Variants in ZNF385D observed in about 807,000 individuals in gnomAD.
ZNF385D encodes the protein zinc finger protein 659.
ZNF385D carries 15 observed loss-of-function variants against 35.8 expected under a neutral mutation model. The ratio of observed to expected loss-of-function variants is 0.42; its 90% CI spans 0.28 to 0.64. The LOEUF is 0.64. Among genes scored for constraint, ZNF385D ranks in the 30% least tolerant of loss-of-function variants. The pLI is 0.23. For missense variants in ZNF385D, 474 were observed against 494.6 expected (o/e 0.96, Z 0.39); for synonymous variants, 212 against 186.8 (o/e 1.13, Z -1.10).
At chr3:22,100,460 T>A (rs537092570) in intron 3 of ZNF385D, among the ~76,000 whole-genome samples, 1 of 151,292 alleles carries the variant, frequency 6.6e-6, no homozygotes, top group Non-Finnish European at 1.5e-5. Flanking sequence ...TAGACTGGAT[T>A]AAGAAAATGT....
chr3:22,194,163 TAAC>T (rs35753303), intron 2 of ZNF385D, among the ~76,000 whole-genome samples: 18,706 of 151,810 alleles, frequency 0.12, 1,467 homozygotes, highest in Middle Eastern at 0.23. Flanking sequence ...GTTTAGTACA[TAAC>T]AACTATCAGA....
At chr3:22,105,420 TACATATAC>T (rs1053573745) in intron 3 of ZNF385D, among the ~76,000 whole-genome samples, 1 of 152,200 alleles carries the variant, frequency 6.6e-6, no homozygotes, top group South Asian at 2.1e-4. Context: ...TATATACATG[TACATATAC>T]ATACATACTT....
chr3:22,091,682 G>A (rs539127191), intron 3 of ZNF385D, among the ~76,000 whole-genome samples: 1 of 152,228 alleles, frequency 6.6e-6, no homozygotes, highest in South Asian at 2.1e-4. Context: ...CAGACACAGA[G>A]CCCCCCGACT....
At chr3:22,244,210 G>A (rs1038028954) in intron 2 of ZNF385D, among the ~76,000 whole-genome samples, 1 of 150,192 alleles carries the variant, frequency 6.7e-6, no homozygotes, top group Non-Finnish European at 1.5e-5. Context: ...TCTAGGGTTT[G>A]CAATACCTGC....
At chr3:22,343,843 G>C (rs1202846398) in intron 2 of ZNF385D, among the ~76,000 whole-genome samples, 1 of 151,790 alleles carries the variant, frequency 6.6e-6, no homozygotes, top group Non-Finnish European at 1.5e-5. Flanking sequence ...TCTCACACTT[G>C]AATGTAAATC....
intron 3 of ZNF385D, among the ~76,000 whole-genome samples, chr3:21,946,308 C>T (rs1476481695): frequency 6.6e-6 from 1 of 152,038 alleles, no homozygotes; most frequent in Non-Finnish European, 1.5e-5. Context: ...ATACACAAAA[C>T]ATTTTTATGT....
chr3:22,046,103 T>C (rs1363081341), intron 3 of ZNF385D, among the ~76,000 whole-genome samples: 1 of 152,082 alleles, frequency 6.6e-6, no homozygotes, highest in East Asian at 1.9e-4. Flanking sequence ...AGCACAACTG[T>C]TTCAACCAAA....
At chr3:22,076,379 C>T (rs1700464365) in intron 3 of ZNF385D, among the ~76,000 whole-genome samples, 3 of 151,886 alleles carry the variant, frequency 2.0e-5, no homozygotes, top group Admixed American at 2.0e-4. Context: ...ATGAATATTT[C>T]CCATGGCCCA....
intron 4 of ZNF385D, among the ~76,000 whole-genome samples, chr3:21,455,377 C>T (rs1226068520): frequency 6.6e-6 from 1 of 152,094 alleles, no homozygotes; most frequent in Non-Finnish European, 1.5e-5. Flanking sequence ...GGTACTGGTA[C>T]CAAAACAGAG....
chr3:21,659,695 T>G (rs2066178129), intron 2 of ZNF385D, among the ~76,000 whole-genome samples: 1 of 152,128 alleles, frequency 6.6e-6, no homozygotes, highest in African/African-American at 2.4e-5. Flanking sequence ...TCCATAATTG[T>G]AAGAATTTAG....
At chr3:22,080,003 G>A (rs1700667119) in intron 3 of ZNF385D, among the ~76,000 whole-genome samples, 1 of 152,002 alleles carries the variant, frequency 6.6e-6, no homozygotes, top group African/African-American at 2.4e-5. Flanking sequence ...TATGTTCAGA[G>A]AAAGAATATC....
At chr3:21,891,253 C>T (rs535934697) in intron 3 of ZNF385D, among the ~76,000 whole-genome samples, 25 of 152,170 alleles carry the variant, frequency 1.6e-4, no homozygotes, top group Non-Finnish European at 2.9e-4. Flanking sequence ...AGACTCTCAT[C>T]GTCAGTATTA....
chr3:22,225,182 T>A (rs910545048), intron 2 of ZNF385D, among the ~76,000 whole-genome samples: 2 of 152,136 alleles, frequency 1.3e-5, no homozygotes, highest in Non-Finnish European at 2.9e-5. Flanking sequence ...ATAATTTTGA[T>A]TGAGTAGAAT....
At chr3:21,998,134 T>C (rs1386950739) in intron 3 of ZNF385D, among the ~76,000 whole-genome samples, 4 of 152,130 alleles carry the variant, frequency 2.6e-5, no homozygotes, top group African/African-American at 7.2e-5. Flanking sequence ...TTACCTTATA[T>C]GGTTCCAGGA....
intron 3 of ZNF385D, chr3:21,849,684 TA>T (rs1696259620): frequency 1.3e-5 from 2 of 149,150 alleles, no homozygotes; most frequent in African/African-American, 4.9e-5. Context: ...TCATATCTTC[TA>T]ATGCAGATGT....
chr3:22,269,905 G>A (rs1454659964), intron 2 of ZNF385D, among the ~76,000 whole-genome samples: 3 of 151,710 alleles, frequency 2.0e-5, no homozygotes, highest in African/African-American at 4.8e-5. Flanking sequence ...CTGGTAATCC[G>A]CTATTTTATC....
At chr3:22,023,628 T>C (rs1697354434) in intron 3 of ZNF385D, among the ~76,000 whole-genome samples, 2 of 151,954 alleles carry the variant, frequency 1.3e-5, no homozygotes, top group South Asian at 2.1e-4. Context: ...AACAAAAAGA[T>C]ATTTTAAATA....
At chr3:21,938,730 C>T (rs1701376295) in intron 3 of ZNF385D, among the ~76,000 whole-genome samples, 1 of 152,160 alleles carries the variant, frequency 6.6e-6, no homozygotes, top group African/African-American at 2.4e-5. Flanking sequence ...AAACTAATGT[C>T]CACCTCAACA....
chr3:22,182,486 G>A (rs1393593118), intron 2 of ZNF385D, among the ~76,000 whole-genome samples: 1 of 151,964 alleles, frequency 6.6e-6, no homozygotes, highest in Non-Finnish European at 1.5e-5. Context: ...TTCAGAGGCT[G>A]GATTTGGTTT....
Sources: gnomAD v4.1 joint callset for allele counts (sites outside exome capture counted in the v4.1 genomes callset) on GRCh38, gnomAD v4.1.1 for gene constraint, MANE v1.5 for transcripts, NCBI Gene and HGNC (gene_info 2026-07-23, HGNC 2026-07-21) for gene names.